ZNF490: variants seen among roughly 807,000 people sequenced by gnomAD.
ZNF490 encodes the protein zinc finger protein 490.
ZNF490 carries 11 observed loss-of-function variants against 17.7 expected under a neutral mutation model. That is an observed-to-expected ratio of 0.62 (90% CI 0.39 to 1.03). The LOEUF is 1.03. Among genes scored for constraint, ZNF490 ranks in the 50% least tolerant of loss-of-function variants. ZNF490 has a pLI of 0.00. For missense variants in ZNF490, 542 were observed against 643.4 expected (o/e 0.84, Z 1.71); for synonymous variants, 222 against 216.1 (o/e 1.03, Z -0.24).
chr19:12,592,076 G>A (rs535380146), intron 2 of ZNF490, among the ~76,000 whole-genome samples: 13 of 152,300 alleles, frequency 8.5e-5, no homozygotes, highest in African/African-American at 2.9e-4. Flanking sequence ...GGTGGCTCAC[G>A]CCTGTAATCC....
chr19:12,601,319 C>T (rs867599304), intron 2 of ZNF490, among the ~76,000 whole-genome samples: 2 of 150,736 alleles, frequency 1.3e-5, no homozygotes, highest in Non-Finnish European at 1.5e-5. Flanking sequence ...ACCCGGGAGG[C>T]GAAGGTTGCA....
chr19:12,582,826 T>C, intron 4 of ZNF490, 24 bp downstream of exon 4: 1 of 1,554,952 alleles, frequency 6.4e-7, no homozygotes, highest in Non-Finnish European at 8.9e-7. Context: ...AGGGGCTATA[T>C]AATTATTTGT....
Position 12,581,412 on chromosome 19 carries a change from G to C in ZNF490, c.663C>G (p.Pro221=). 6.2e-7 allele frequency: 1 copy of C among 1,614,088 alleles called. No individual in the cohort carries two copies. The highest frequency in any genetic ancestry group is 8.5e-7 in the Non-Finnish European group (1 of 1,179,986). ...THERIHTGEK[P]YECKECGKAF... The stretch of plus-strand genomic sequence containing the variant: ...CTTTGCCACATTCCTTACATTCATA[G>C]GGTTTCTCTCCAGTGTGAATTCTTT... Residue 221 remains proline, a synonymous_variant, in exon 5 of 5, where the codon CCC becomes CCG. Transcript: ENST00000311437.
chr19:12,602,312 C>T (rs1238787701), intron 2 of ZNF490, among the ~76,000 whole-genome samples: 2 of 151,948 alleles, frequency 1.3e-5, no homozygotes, highest in Admixed American at 6.6e-5. Flanking sequence ...TGCGGGAGGC[C>T]GAGGCAGGAG....
intron 1 of ZNF490, chr19:12,610,040 A>T (rs2023126426): frequency 2.3e-6 from 1 of 430,232 alleles, no homozygotes; most frequent in African/African-American, 2.1e-5. Flanking sequence ...AAACAAACAA[A>T]AAAACAACGA....
chr19:12,583,807 ATATATTTTTTTT>A (rs2022777874), intron 2 of ZNF490, among the ~76,000 whole-genome samples: 3 of 112,412 alleles, frequency 2.7e-5, no homozygotes, highest in African/African-American at 1.1e-4. Context: ...ATATATATAT[ATATATTTTTTTT>A]TTTTTTTTTT....
chr19:12,584,309 AC>A lies in ZNF490; in HGVS notation c.163-754del, dbSNP rs2022788483. On this transcript the variant is annotated intron_variant, in intron 2 of 4. Transcript: ENST00000311437. ...GTAGCTGGGACTACAGGCGCGTGCC[AC>A]CACGCCCAGCTAATTTTTTGTATTT... Among the ~76,000 whole-genome samples, 2 of 89,060 alleles carry A rather than the reference AC, an allele frequency of 2.2e-5. 1 individual carries two copies. Among genetic ancestry groups the A allele is most frequent in the Admixed American group, 2.1e-4 (2 of 9,392 alleles). 58.4% of individuals were successfully genotyped at this position (89,060 alleles called of 152,430 possible). A position where few individuals can be genotyped will look rare whatever the true frequency, so the allele number is the denominator to read the frequency against.
intron 4 of ZNF490, among the ~76,000 whole-genome samples, chr19:12,582,591 T>C (rs571807590): frequency 6.6e-6 from 1 of 152,118 alleles, no homozygotes; most frequent in Admixed American, 6.6e-5. Flanking sequence ...AGACAGGGTT[T>C]CATCATGTTG....
intron 2 of ZNF490, 76 bp downstream of exon 2, chr19:12,609,082 G>A (rs2023108971): frequency 6.9e-7 from 1 of 1,440,808 alleles, no homozygotes; most frequent in Non-Finnish European, 9.7e-7. Context: ...CCACAAAGAG[G>A]TCATAGAAGG....
rs1271510192 is a variant in ZNF490 at position 12,584,151 on chromosome 19, GTTCT to G, written c.163-599_163-596del. On this transcript the variant is annotated intron_variant, in intron 2 of 4. Coordinates refer to ENST00000311437, the MANE Select transcript of ZNF490 (RefSeq NM_020714.3). Reference sequence around the variant, plus strand: ...AACTGTGATCACTTGAAGCCTTATTGTTCTTTTTCTTTTTATTTTTTTTGAGATG... The same window carrying G: ...AACTGTGATCACTTGAAGCCTTATTGTTTTCTTTTTATTTTTTTTGAGATG... Among the ~76,000 whole-genome samples, 2 of 85,094 alleles carry G rather than the reference GTTCT, an allele frequency of 2.4e-5. 1 individual carries two copies. The highest frequency in any genetic ancestry group is 6.2e-5 in the Non-Finnish European group (2 of 32,186). The allele number at this position is 85,094 out of a possible 152,430, so 55.8% of individuals were successfully genotyped here. A position where few individuals can be genotyped will look rare whatever the true frequency, so the allele number is the denominator to read the frequency against.
intron 2 of ZNF490, among the ~76,000 whole-genome samples, chr19:12,596,917 A>G (rs2022940831): frequency 1.3e-5 from 2 of 152,200 alleles, no homozygotes; most frequent in South Asian, 4.1e-4. Context: ...TGGCCCCTGC[A>G]CAATCTTCGG....
At chr19:12,591,210 G>A (rs868509540) in intron 2 of ZNF490, among the ~76,000 whole-genome samples, 1 of 152,028 alleles carries the variant, frequency 6.6e-6, no homozygotes, top group Admixed American at 6.6e-5. Context: ...CCGACATGGT[G>A]AAACCCTGTC....
At chr19:12,606,696 G>T (rs2145168819) in intron 2 of ZNF490, among the ~76,000 whole-genome samples, 1 of 151,908 alleles carries the variant, frequency 6.6e-6, no homozygotes, top group East Asian at 1.9e-4. Context: ...CCCAGGCTTT[G>T]ATGTCCTTTT....
Position 12,581,185 on chromosome 19 carries a change from T to C in ZNF490, c.890A>G (p.Glu297Gly). The change falls in exon 5 of 5, where the codon GAA becomes GGA. Residue 297 changes from glutamate to glycine, a missense_variant. Physicochemically the swap from Glu to Gly is moderately conservative, Grantham distance 98. Transcript: ENST00000311437. The stretch of plus-strand genomic sequence containing the variant: ...AGGTTTCTCTCCAGTGTGAGTCCTT[T>C]CGTGGGTTAGAAAAGGCTGGTAATA... ...FIYYQPFLTH[E>G]RTHTGEKPYE... 1 of 1,610,600 alleles carries C rather than the reference T, an allele frequency of 6.2e-7. No homozygotes were observed. The highest frequency in any genetic ancestry group is 8.5e-7 in the Non-Finnish European group (1 of 1,176,990).
chr19:12,592,398 TA>T (rs112821958), intron 2 of ZNF490, among the ~76,000 whole-genome samples: 580 of 139,756 alleles, frequency 4.2e-3, no homozygotes, highest in African/African-American at 3.7e-3. Flanking sequence ...CATCTCAATT[TA>T]AAAAAAAAAA....
intron 2 of ZNF490, among the ~76,000 whole-genome samples, chr19:12,594,414 C>T (rs1010155548): frequency 4.0e-5 from 6 of 149,464 alleles, no homozygotes; most frequent in South Asian, 2.1e-4. Context: ...TGCAGTGAGC[C>T]GAGATTTTGC....
Position 12,609,142 on chromosome 19 carries a change from T to G in ZNF490, c.162+16A>C, listed in dbSNP as rs750860818. 5 of 1,613,564 alleles carry G rather than the reference T, an allele frequency of 3.1e-6. No homozygotes were observed. Among genetic ancestry groups the G allele is most frequent in the East Asian group, 4.5e-5 (2 of 44,884 alleles). ...CAAGGAAGGTAGCCACGCTGACAGG[T>G]AGCGATCTCACTTACAGTTTGAGTC... On this transcript the variant is annotated intron_variant, in intron 2 of 4. Coordinates refer to ENST00000311437, the MANE Select transcript of ZNF490 (RefSeq NM_020714.3).
chr19:12,584,455 C>T lies in ZNF490; in HGVS notation c.163-899G>A, dbSNP rs1186803274. Reference sequence around the variant, plus strand: ...ACAGGCGTGAGCCACCGCGCCCGGCCACCTTATTGCTCTTTAAATACAGAC... The same window carrying T: ...ACAGGCGTGAGCCACCGCGCCCGGCTACCTTATTGCTCTTTAAATACAGAC... On this transcript the variant is annotated intron_variant, in intron 2 of 4. Transcript: ENST00000311437. Among the ~76,000 whole-genome samples, 9 of 94,596 alleles carry T rather than the reference C, an allele frequency of 9.5e-5. 3 individuals are homozygous for T. Among genetic ancestry groups the T allele is most frequent in the African/African-American group, 2.5e-4 (8 of 31,578 alleles). 62.1% of individuals were successfully genotyped at this position (94,596 alleles called of 152,430 possible). A position where few individuals can be genotyped will look rare whatever the true frequency, so the allele number is the denominator to read the frequency against.
chr19:12,581,097 T>C lies in ZNF490; in HGVS notation c.978A>G (p.Lys326=), dbSNP rs1351841197. Residue 326 remains lysine, a synonymous_variant, in exon 5 of 5, where the codon AAA becomes AAG. Coordinates refer to ENST00000311437, the MANE Select transcript of ZNF490 (RefSeq NM_020714.3). ...SCPTYLRSHE[K]THTGEKPFVC... Reference sequence around the variant, plus strand: ...CAAAAGGTTTCTCTCCAGTATGAGTTTTCTCATGACTCCGTAAGTACGTGG... The same window carrying C: ...CAAAAGGTTTCTCTCCAGTATGAGTCTTCTCATGACTCCGTAAGTACGTGG... The C allele has an allele frequency of 1.2e-6, 2 of 1,614,036 alleles. No individual in the cohort carries two copies. The highest frequency in any genetic ancestry group is 1.7e-5 in the Admixed American group (1 of 59,986).
Sources: allele counts gnomAD v4.1 joint callset (sites outside exome capture counted in the v4.1 genomes callset), GRCh38; gene constraint gnomAD v4.1.1; transcripts MANE v1.5; gene names NCBI Gene and HGNC (gene_info 2026-07-23, HGNC 2026-07-21).